The following SPATA6 variants were observed in gnomAD, a reference collection of about 807,000 sequenced individuals.
SPATA6 encodes spermatogenesis associated 6.
Under a neutral mutation model 65.3 loss-of-function variants are expected in SPATA6, and 56 were observed. The observed-to-expected ratio is 0.86, with a 90% CI of 0.69 to 1.07. The LOEUF (loss-of-function observed/expected upper bound fraction) is 1.07, where lower values mean the gene tolerates loss of function less well. Among genes scored for constraint, SPATA6 ranks in the 50% least tolerant of loss-of-function variants. The pLI, the probability that SPATA6 is intolerant of heterozygous loss-of-function variation, is 0.00. For synonymous variants in SPATA6, 199 were observed against 213.2 expected (o/e 0.93, Z 0.58); for missense variants, 590 against 594.8 (o/e 0.99, Z 0.08).
At chr1:48,447,096 C>T (rs1656124640) in intron 3 of SPATA6, among the ~76,000 whole-genome samples, 2 of 151,940 alleles carry the variant, frequency 1.3e-5, no homozygotes, top group Non-Finnish European at 2.9e-5. Flanking sequence ...ATTTGCTTTT[C>T]TCTAGCTTAC....
chr1:48,399,173 GA>G (rs902786033), intron 7 of SPATA6, 177 bp downstream of exon 7: 42 of 744,674 alleles, frequency 5.6e-5, no homozygotes, highest in Admixed American at 1.2e-4. Flanking sequence ...TCTGAAGACT[GA>G]AAAAAAGCAA....
chr1:48,430,678 G>A (rs1363266143), intron 3 of SPATA6, among the ~76,000 whole-genome samples: 1 of 151,962 alleles, frequency 6.6e-6, no homozygotes, highest in Non-Finnish European at 1.5e-5. Flanking sequence ...TTTATGTTTT[G>A]GAGCACACAA....
the SPATA6 span, chr1:48,262,805 G>A: frequency 3.5e-4 from 53 of 152,090 alleles, no homozygotes; most frequent in African/African-American, 1.1e-3. Context: ...TAGTTTTTAC[G>A]TAACACTGCT....
chr1:48,410,179 T>C (rs1652081918), intron 5 of SPATA6, among the ~76,000 whole-genome samples: 1 of 152,186 alleles, frequency 6.6e-6, no homozygotes, highest in Non-Finnish European at 1.5e-5. Context: ...TTCCACCAGA[T>C]ACCCTAAATC....
At chr1:48,396,939 C>A (rs1407522845) in intron 7 of SPATA6, among the ~76,000 whole-genome samples, 1 of 151,306 alleles carries the variant, frequency 6.6e-6, no homozygotes, top group Non-Finnish European at 1.5e-5. Flanking sequence ...TATATAACCA[C>A]AATTTAAAAA....
chr1:48,364,232 T>C (rs1646919654), intron 9 of SPATA6, among the ~76,000 whole-genome samples: 1 of 152,194 alleles, frequency 6.6e-6, no homozygotes, highest in South Asian at 2.1e-4. Flanking sequence ...TCCAAGTCTT[T>C]GCTATGGTGA....
At chr1:48,464,493 A>G (rs1012230952) in intron 1 of SPATA6, among the ~76,000 whole-genome samples, 7 of 152,360 alleles carry the variant, frequency 4.6e-5, no homozygotes, top group East Asian at 1.9e-4. Flanking sequence ...AAGAATGCTC[A>G]TAGGAGCACA....
At chr1:48,314,533 T>A (rs938117387) in intron 11 of SPATA6, among the ~76,000 whole-genome samples, 5 of 152,160 alleles carry the variant, frequency 3.3e-5, no homozygotes, top group African/African-American at 9.7e-5. Flanking sequence ...CTGGGACACA[T>A]TTAAAGCACT....
At chr1:48,395,411 T>A in intron 7 of SPATA6, 57 bp from the exon 8 acceptor site, 1 of 1,284,516 alleles carries the variant, frequency 7.8e-7, no homozygotes, top group Non-Finnish European at 1.0e-6. Context: ...AGACTTTCAA[T>A]CTCATGGTAC....
intron 5 of SPATA6, among the ~76,000 whole-genome samples, chr1:48,405,285 A>G (rs1206060792): frequency 6.6e-6 from 1 of 152,188 alleles, no homozygotes; most frequent in African/African-American, 2.4e-5. Flanking sequence ...GATATCCACT[A>G]TATCTACTTG....
At chr1:48,364,228 T>A (rs1007183106) in intron 9 of SPATA6, among the ~76,000 whole-genome samples, 18 of 152,218 alleles carry the variant, frequency 1.2e-4, no homozygotes, top group African/African-American at 3.6e-4. Context: ...TGGTTCCAAG[T>A]CTTTGCTATG....
chr1:48,265,821 T>C, the SPATA6 span, among the ~76,000 whole-genome samples: 1 of 152,168 alleles, frequency 6.6e-6, no homozygotes, highest in Non-Finnish European at 1.5e-5. Flanking sequence ...TGAACATAAA[T>C]AATCAAAAGC....
chr1:48,453,186 C>T (rs546754257), intron 1 of SPATA6, 55 bp from the exon 2 acceptor site: 2 of 1,535,894 alleles, frequency 1.3e-6, no homozygotes, highest in Admixed American at 4.2e-5. Flanking sequence ...CCTGAACTAT[C>T]CTACTAAAAT....
chr1:48,369,294 G>C (rs1305512821), intron 9 of SPATA6, among the ~76,000 whole-genome samples: 3 of 152,170 alleles, frequency 2.0e-5, no homozygotes, highest in African/African-American at 4.8e-5. Flanking sequence ...CTGCGTGCTG[G>C]GAGAACCACT....
intron 5 of SPATA6, among the ~76,000 whole-genome samples, chr1:48,405,017 G>A (rs1042367472): frequency 2.6e-5 from 4 of 152,180 alleles, no homozygotes; most frequent in African/African-American, 9.6e-5. Context: ...ACAAGCAATT[G>A]TGATTCAATA....
At chr1:48,398,443 T>A (rs1017244089) in intron 7 of SPATA6, among the ~76,000 whole-genome samples, 2 of 151,716 alleles carry the variant, frequency 1.3e-5, no homozygotes, top group African/African-American at 4.8e-5. Context: ...AGGGGCATAT[T>A]TACATGTTGG....
chr1:48,283,692 A>C, the SPATA6 span, among the ~76,000 whole-genome samples: 1 of 139,104 alleles, frequency 7.2e-6, no homozygotes, highest in African/African-American at 2.8e-5. Flanking sequence ...AAAAAAAAAA[A>C]AAAAAAAAGA....
chr1:48,461,028 C>CA (rs1445729410), intron 1 of SPATA6, among the ~76,000 whole-genome samples: 1 of 151,806 alleles, frequency 6.6e-6, no homozygotes, highest in East Asian at 1.9e-4. Flanking sequence ...AGTTCCAATA[C>CA]ATATCTAATA....
intron 11 of SPATA6, among the ~76,000 whole-genome samples, chr1:48,327,570 T>C (rs1645799538): frequency 1.3e-5 from 2 of 152,198 alleles, no homozygotes; most frequent in Admixed American, 1.3e-4. Flanking sequence ...GCACTGTTGA[T>C]AATAACCAAG....
Sources: allele counts gnomAD v4.1 joint callset (sites outside exome capture counted in the v4.1 genomes callset), GRCh38; gene constraint gnomAD v4.1.1; transcripts MANE v1.5; gene names NCBI Gene and HGNC (gene_info 2026-07-23, HGNC 2026-07-21).